The following ANKRD12 variants were observed in gnomAD, a reference collection of about 807,000 sequenced individuals.
ANKRD12 encodes the protein ankyrin repeat domain-containing protein 12.
Under a neutral mutation model 183.4 loss-of-function variants are expected in ANKRD12, and 85 were observed. The observed-to-expected ratio is 0.46, with a 90% CI of 0.39 to 0.56. The LOEUF is 0.56. Ranked by LOEUF, ANKRD12 falls within the 20% of genes least tolerant of loss-of-function variation. The pLI, the probability that ANKRD12 is intolerant of heterozygous loss-of-function variation, is 0.00. For missense variants in ANKRD12, 2,405 were observed against 2,357.1 expected (o/e 1.02, Z -0.42); for synonymous variants, 914 against 800.2 (o/e 1.14, Z -2.40).
chr18:9,208,633 T>C (rs927764908), intron 4 of ANKRD12, 24 bp from the exon 5 acceptor site: 2 of 1,587,004 alleles, frequency 1.3e-6, no homozygotes, highest in African/African-American at 2.7e-5. Context: ...TTTCAAATTC[T>C]TACATATTTG....
intron 8 of ANKRD12, among the ~76,000 whole-genome samples, chr18:9,224,137 G>A (rs1244925981): frequency 6.6e-6 from 1 of 152,134 alleles, no homozygotes; most frequent in Non-Finnish European, 1.5e-5. Context: ...AAGGAAAAGT[G>A]AGTGGAAATC....
intron 10 of ANKRD12, among the ~76,000 whole-genome samples, chr18:9,268,920 A>G (rs2039449122): frequency 1.3e-5 from 2 of 152,252 alleles, no homozygotes; most frequent in Admixed American, 6.5e-5. Flanking sequence ...CAACTTCAGC[A>G]AAGTCTCAGG....
intron 4 of ANKRD12, 105 bp from the exon 5 acceptor site, chr18:9,208,552 C>A: frequency 1.1e-6 from 1 of 914,774 alleles, no homozygotes; most frequent in Non-Finnish European, 1.6e-6. Context: ...ATATTGTACA[C>A]ATTTCTCATA....
At chr18:9,200,930 TTAA>T (rs2035128237) in intron 3 of ANKRD12, among the ~76,000 whole-genome samples, 1 of 152,202 alleles carries the variant, frequency 6.6e-6, no homozygotes, top group Non-Finnish European at 1.5e-5. Context: ...GGCTTTGTCT[TTAA>T]TCATTTTGCC....
Position 9,256,246 on chromosome 18 carries a change from A to T in ANKRD12, c.2979A>T (p.Gln993His). 1 of 1,602,762 alleles carries T rather than the reference A, an allele frequency of 6.2e-7. No individual in the cohort carries two copies. Among genetic ancestry groups the T allele is most frequent in the Non-Finnish European group, 8.5e-7 (1 of 1,176,684 alleles). ...GTATAGTAGACGGTAATAAAGCACA[A>T]CATGAAAAACCCTTATCCCTTAAAG... ...KSSIVDGNKA[Q>H]HEKPLSLKEK... The change falls in exon 9 of 13, where the codon CAA (glutamine) becomes CAT (histidine). Residue 993 changes from glutamine (Q) to histidine (H), a missense_variant. This residue lies in a region of ANKRD12 where 1,983 missense variants were observed against 1,725.9 expected (regional missense o/e 1.15). Transcript: ENST00000262126.
At chr18:9,191,753 A>T (rs1383938125) in intron 2 of ANKRD12, among the ~76,000 whole-genome samples, 1 of 152,130 alleles carries the variant, frequency 6.6e-6, no homozygotes, top group Non-Finnish European at 1.5e-5. Context: ...ACTGTGAGCA[A>T]ATCTTTCACT....
chr18:9,183,418 C>T (rs1374269326), intron 2 of ANKRD12, among the ~76,000 whole-genome samples: 2 of 152,134 alleles, frequency 1.3e-5, no homozygotes, highest in African/African-American at 4.8e-5. Flanking sequence ...CAATTTGTCT[C>T]AGTAGTGCTT....
At chr18:9,279,447 C>A (rs2040006864) in intron 11 of ANKRD12, 102 bp from the exon 12 acceptor site, 3 of 705,096 alleles carry the variant, frequency 4.3e-6, no homozygotes, top group East Asian at 2.9e-5. Context: ...AATATATTTT[C>A]ATCGTTACTA....
intron 8 of ANKRD12, among the ~76,000 whole-genome samples, chr18:9,234,351 A>ATC (rs1405868903): frequency 6.6e-6 from 1 of 151,962 alleles, no homozygotes; most frequent in African/African-American, 2.4e-5. Context: ...GCGACGGGGG[A>ATC]TCTCTCTCTC....
At chr18:9,144,844 G>A (rs2078439972) in intron 1 of ANKRD12, among the ~76,000 whole-genome samples, 1 of 151,964 alleles carries the variant, frequency 6.6e-6, no homozygotes, top group African/African-American at 2.4e-5. Context: ...GGGAAAATAT[G>A]TAATTTGCAT....
intron 9 of ANKRD12, among the ~76,000 whole-genome samples, chr18:9,260,829 T>A (rs569278433): frequency 5.3e-5 from 8 of 152,198 alleles, no homozygotes; most frequent in African/African-American, 9.7e-5. Flanking sequence ...CATTTAAATA[T>A]CCTGCCCAGA....
chr18:9,257,611 T>A lies in ANKRD12; in HGVS notation c.4344T>A (p.Leu1448=), dbSNP rs766751775. ...ACATACCTGATCAAGAATCCTCTCT[T>A]CAGAGTTTTTGTAATTCTGAAAATA... is the stretch of plus-strand genomic sequence containing the variant. The part of the protein sequence containing the change: ...NSNIPDQESS[L]QSFCNSENKV... Residue 1448 remains leucine (L), a synonymous_variant, in exon 9 of 13, where the codon CTT becomes CTA. Coordinates refer to ENST00000262126, the MANE Select transcript of ANKRD12 (RefSeq NM_015208.5). 6.2e-7 allele frequency: 1 copy of A among 1,614,062 alleles called. No individual in the cohort carries two copies. The highest frequency in any genetic ancestry group is 1.1e-5 in the South Asian group (1 of 91,078).
At chr18:9,263,575 GAAA>G (rs555574324) in intron 9 of ANKRD12, among the ~76,000 whole-genome samples, 132 of 152,212 alleles carry the variant, frequency 8.7e-4, no homozygotes, top group Non-Finnish European at 1.7e-3. Flanking sequence ...TTTGCTCTTT[GAAA>G]TTTGTTGTGG....
chr18:9,143,527 C>T (rs1271037796), intron 1 of ANKRD12, among the ~76,000 whole-genome samples: 1 of 152,128 alleles, frequency 6.6e-6, no homozygotes, highest in African/African-American at 2.4e-5. Context: ...AAGGCATGAT[C>T]TTGGCGTACT....
At chr18:9,189,662 G>C (rs902361483) in intron 2 of ANKRD12, among the ~76,000 whole-genome samples, 1 of 152,162 alleles carries the variant, frequency 6.6e-6, no homozygotes, top group African/African-American at 2.4e-5. Flanking sequence ...TAAGAATTAC[G>C]TGAAATTTAC....
At chr18:9,242,504 G>T (rs376816608) in intron 8 of ANKRD12, among the ~76,000 whole-genome samples, 28 of 152,114 alleles carry the variant, frequency 1.8e-4, no homozygotes, top group African/African-American at 6.0e-4. Context: ...CATCCTGTCT[G>T]CAGAAAAATG....
chr18:9,218,861 G>C (rs1598595878), intron 7 of ANKRD12, among the ~76,000 whole-genome samples: 1 of 151,782 alleles, frequency 6.6e-6, no homozygotes, highest in Non-Finnish European at 1.5e-5. Context: ...TAGAGACCCT[G>C]TGTTGTTCAG....
At chr18:9,204,641 A>G (rs1448273399) in intron 4 of ANKRD12, 97 bp downstream of exon 4, 15 of 926,924 alleles carry the variant, frequency 1.6e-5, no homozygotes, top group Non-Finnish European at 2.1e-5. Context: ...AAACCAGCAT[A>G]TAGATATCTT....
At chr18:9,174,253 T>G (rs2033042624) in intron 1 of ANKRD12, among the ~76,000 whole-genome samples, 1 of 152,226 alleles carries the variant, frequency 6.6e-6, no homozygotes, top group African/African-American at 2.4e-5. Flanking sequence ...TTGCACTGGC[T>G]GGCTAGAATT....
Sources: allele counts gnomAD v4.1 joint callset (sites outside exome capture counted in the v4.1 genomes callset), GRCh38; gene constraint gnomAD v4.1.1; regional missense constraint gnomAD v4.1.1; transcripts MANE v1.5; gene names NCBI Gene and HGNC (gene_info 2026-07-23, HGNC 2026-07-21).